Variants in DORIP1 observed in about 807,000 individuals in gnomAD.
DORIP1 encodes the protein dopamine receptor interacting protein 1.
At chr14:44,905,615 T>C in the DORIP1 span, 42 of 1,181,432 alleles carry the variant, frequency 3.6e-5, no homozygotes, top group Non-Finnish European at 4.7e-5. Flanking sequence ...AGGGCTTTTA[T>C]TTTGTGTATA....
At chr14:44,906,741 T>G in the DORIP1 span, 7 of 152,604 alleles carry the variant, frequency 4.6e-5, no homozygotes. Context: ...TGCAATATAT[T>G]TAGAAGCTCC....
the DORIP1 span, chr14:44,897,467 A>AGGCGGCGGC: frequency 3.3e-5 from 7 of 212,372 alleles, 2 homozygotes; most frequent in South Asian, 4.4e-4. Flanking sequence ...CTCATAGATG[A>AGGCGGCGGC]GGCAGCGGCG....
chr14:44,901,421 A>C, the DORIP1 span, among the ~76,000 whole-genome samples: 2 of 152,352 alleles, frequency 1.3e-5, no homozygotes, highest in East Asian at 3.9e-4. Context: ...CAGAAATGCA[A>C]GATTCTTCTG....
chr14:44,905,240 G>A, the DORIP1 span: 1 of 563,082 alleles, frequency 1.8e-6, no homozygotes, highest in East Asian at 3.2e-5. Context: ...CTATAGAGAT[G>A]GATATCTTTT....
chr14:44,904,637 C>A, the DORIP1 span: 1 of 1,143,506 alleles, frequency 8.7e-7, no homozygotes, highest in Non-Finnish European at 1.2e-6. Context: ...ACAATCATAT[C>A]TGTCTCTAAA....
the DORIP1 span, chr14:44,903,334 T>C: frequency 4.4e-6 from 7 of 1,576,284 alleles, no homozygotes; most frequent in Non-Finnish European, 6.1e-6. Flanking sequence ...ACAGTATGTA[T>C]GTGTTTATAA....
chr14:44,901,353 T>A, the DORIP1 span, among the ~76,000 whole-genome samples: 7 of 152,348 alleles, frequency 4.6e-5, no homozygotes, highest in African/African-American at 1.7e-4. Flanking sequence ...ATGACAATAT[T>A]GCCAAAGTAT....
the DORIP1 span, among the ~76,000 whole-genome samples, chr14:44,903,037 T>G: frequency 1.3e-5 from 2 of 152,224 alleles, no homozygotes; most frequent in African/African-American, 4.8e-5. Flanking sequence ...AATTAGTGTT[T>G]GAGTTCAACT....
At chr14:44,900,854 C>T in the DORIP1 span, 2 of 1,613,914 alleles carry the variant, frequency 1.2e-6, no homozygotes, top group Non-Finnish European at 1.7e-6. Flanking sequence ...GATAATTTTA[C>T]AAAAAATCTT....
At chr14:44,903,501 T>G in the DORIP1 span, 2 of 1,175,524 alleles carry the variant, frequency 1.7e-6, no homozygotes, top group East Asian at 3.8e-5. Context: ...CTTTTCTTTT[T>G]TCCCCCCCCA....
At chr14:44,905,848 C>G in the DORIP1 span, 1 of 178,574 alleles carries the variant, frequency 5.6e-6, no homozygotes, top group Non-Finnish European at 1.2e-5. Context: ...TTTTACAATT[C>G]TGTCTTTGAA....
the DORIP1 span, among the ~76,000 whole-genome samples, chr14:44,898,184 T>G: frequency 3.3e-5 from 5 of 152,178 alleles, no homozygotes; most frequent in African/African-American, 9.7e-5. Context: ...CTAAGACAAT[T>G]TTAAGTAAAG....
At chr14:44,899,921 T>C in the DORIP1 span, among the ~76,000 whole-genome samples, 1 of 136,504 alleles carries the variant, frequency 7.3e-6, no homozygotes, top group Non-Finnish European at 1.5e-5. Flanking sequence ...AACCTCCGCC[T>C]CCCAGGTTCA....
the DORIP1 span, chr14:44,903,446 A>C: frequency 7.2e-7 from 1 of 1,397,316 alleles, no homozygotes; most frequent in Non-Finnish European, 9.4e-7. Flanking sequence ...ATATCACTAC[A>C]TAGAATATGG....
chr14:44,903,916 C>G, the DORIP1 span: 2 of 978,330 alleles, frequency 2.0e-6, no homozygotes, highest in African/African-American at 3.5e-5. Flanking sequence ...CTGAGCATTC[C>G]GGTTAATCAA....
the DORIP1 span, chr14:44,899,097 T>C: frequency 6.6e-6 from 1 of 152,250 alleles, no homozygotes; most frequent in African/African-American, 2.4e-5. Context: ...AATATGATGT[T>C]GTTAGTTTAT....
the DORIP1 span, chr14:44,903,295 G>A: frequency 1.2e-6 from 2 of 1,609,590 alleles, no homozygotes; most frequent in South Asian, 2.2e-5. Flanking sequence ...TGAAGAGCAT[G>A]GGTGAGTATA....
chr14:44,907,082 A>G, the DORIP1 span: 1 of 152,642 alleles, frequency 6.6e-6, no homozygotes, highest in Non-Finnish European at 1.5e-5. Context: ...TAACAAAATT[A>G]TTCCTAATGC....
chr14:44,900,320 A>G, the DORIP1 span: 1 of 1,023,046 alleles, frequency 9.8e-7, no homozygotes, highest in Non-Finnish European at 1.3e-6. Context: ...TGGGAGGCCT[A>G]ATAACCACAT....
Sources: gnomAD v4.1 joint callset for allele counts (sites outside exome capture counted in the v4.1 genomes callset) on GRCh38, gnomAD v4.1.1 for gene constraint, MANE v1.5 for transcripts, NCBI Gene and HGNC (gene_info 2026-07-23, HGNC 2026-07-21) for gene names.